DMD: variants seen among roughly 807,000 people sequenced by gnomAD.
DMD encodes the protein mutant dystrophin.
DMD carries 63 observed loss-of-function variants against 330.1 expected under a neutral mutation model. That is an observed-to-expected ratio of 0.19 (90% CI 0.16 to 0.24). The LOEUF (loss-of-function observed/expected upper bound fraction) is 0.24. Ranked by LOEUF, DMD falls within the 10% of genes least tolerant of loss-of-function variation. The pLI is 1.00. For missense variants in DMD, 3,344 were observed against 2,684.1 expected (o/e 1.25, Z -5.43); for synonymous variants, 1,223 against 959.8 (o/e 1.27, Z -5.07).
At chrX:31,710,036 C>G (rs889707295) in intron 52 of DMD, among the ~76,000 whole-genome samples, 2 of 111,739 alleles carry the variant, frequency 1.8e-5, no homozygotes, top group African/African-American at 6.5e-5. Flanking sequence ...GCCTGGGGAG[C>G]TTGTTATAAA....
chrX:33,006,200 C>G (rs1373023973), intron 2 of DMD, among the ~76,000 whole-genome samples: 3 of 111,333 alleles, frequency 2.7e-5, no homozygotes, highest in Non-Finnish European at 5.7e-5. Context: ...AACGCAATCC[C>G]AATCAAAATC....
intron 52 of DMD, among the ~76,000 whole-genome samples, chrX:31,705,828 G>C (rs1300543300): frequency 2.7e-5 from 3 of 112,063 alleles, no homozygotes; most frequent in Non-Finnish European, 5.6e-5. Flanking sequence ...GGCCAGAGCT[G>C]TCAGTTTGAG....
intron 11 of DMD, among the ~76,000 whole-genome samples, chrX:32,633,197 C>G (rs920319526): frequency 1.8e-5 from 2 of 111,671 alleles, no homozygotes; most frequent in African/African-American, 6.5e-5. Flanking sequence ...TTAGAAGTGG[C>G]CACACAACGT....
At chrX:31,124,157 C>A (rs1258401879) in intron 78 of DMD, among the ~76,000 whole-genome samples, 8 of 112,233 alleles carry the variant, frequency 7.1e-5, no homozygotes, top group Non-Finnish European at 1.3e-4. Flanking sequence ...CCGGTTTACA[C>A]TGCTGCATTT....
intron 1 of DMD, among the ~76,000 whole-genome samples, chrX:33,031,729 C>T (rs1168842524): frequency 1.8e-5 from 2 of 110,882 alleles, no homozygotes; most frequent in African/African-American, 6.6e-5. Context: ...CAAGATCATG[C>T]CACTGCACTC....
intron 7 of DMD, among the ~76,000 whole-genome samples, chrX:32,714,626 G>C (rs1263201772): frequency 9.0e-6 from 1 of 111,500 alleles, no homozygotes; most frequent in Admixed American, 9.6e-5. Context: ...ATGCGAGTGT[G>C]ACTGAAGTTA....
At chrX:31,380,697 C>T (rs1258141100) in intron 60 of DMD, among the ~76,000 whole-genome samples, 3 of 110,625 alleles carry the variant, frequency 2.7e-5, no homozygotes, top group Non-Finnish European at 5.7e-5. Context: ...AACCCATATA[C>T]TCTCCTGTCC....
intron 60 of DMD, among the ~76,000 whole-genome samples, chrX:31,413,340 T>C (rs923448168): frequency 2.7e-5 from 3 of 112,576 alleles, no homozygotes; most frequent in African/African-American, 9.7e-5. Flanking sequence ...TACAAAAGAC[T>C]TTAAAAATCT....
chrX:32,722,100 AC>A (rs1161708505), intron 7 of DMD, among the ~76,000 whole-genome samples: 9 of 108,972 alleles, frequency 8.3e-5, no homozygotes, highest in Non-Finnish European at 1.2e-4. Flanking sequence ...AGTATTTCCA[AC>A]TTTTTTTTCC....
chrX:32,604,815 A>C (rs1004945392), intron 12 of DMD, among the ~76,000 whole-genome samples: 2 of 109,323 alleles, frequency 1.8e-5, no homozygotes, highest in Non-Finnish European at 3.8e-5. Flanking sequence ...AACTACAAAA[A>C]AAAAAAATAC....
rs1406798070 is a variant in DMD, at chrX:32,885,678, A to T, written c.94-35858T>A. 5.4e-5 allele frequency among the ~76,000 whole-genome samples: 6 copies of T among 111,079 alleles called. No homozygotes were observed. The East Asian group carries it at 1.7e-3, about 31-fold the overall frequency. Reference sequence around the variant, plus strand: ...AAATAAAGAAACTTACAATGTGTTGAAATTTCCCTATTGGAGAATTATAAA... The same window carrying T: ...AAATAAAGAAACTTACAATGTGTTGTAATTTCCCTATTGGAGAATTATAAA... On this transcript the variant is annotated intron_variant, in intron 2 of 78. Transcript: ENST00000357033.
intron 7 of DMD, among the ~76,000 whole-genome samples, chrX:32,704,731 C>A (rs1263509036): frequency 1.8e-5 from 2 of 111,793 alleles, no homozygotes; most frequent in Non-Finnish European, 3.8e-5. Context: ...AATAAATTCA[C>A]TGAGAAGAAA....
At chrX:33,108,538 T>A (rs2095311215) in intron 1 of DMD, among the ~76,000 whole-genome samples, 1 of 107,486 alleles carries the variant, frequency 9.3e-6, no homozygotes, top group Non-Finnish European at 1.9e-5. Context: ...AGTGCTGGGA[T>A]TACAGGCATG....
At chrX:32,607,727 A>G (rs2056847317) in intron 12 of DMD, among the ~76,000 whole-genome samples, 1 of 110,632 alleles carries the variant, frequency 9.0e-6, no homozygotes, top group Admixed American at 9.7e-5. Flanking sequence ...AATTCATGTT[A>G]TCATGTGTGT....
chrX:32,315,370 T>TG (rs1316184907), intron 41 of DMD, among the ~76,000 whole-genome samples: 4 of 108,476 alleles, frequency 3.7e-5, no homozygotes, highest in Admixed American at 9.8e-5. Flanking sequence ...TGTTGGCGGG[T>TG]GGGGGGCAAG....
At chrX:31,488,481 T>C (rs2068993534) in intron 57 of DMD, among the ~76,000 whole-genome samples, 1 of 111,932 alleles carries the variant, frequency 8.9e-6, no homozygotes, top group African/African-American at 3.3e-5. Flanking sequence ...AATCCAAAAA[T>C]GGAACCCTGG....
intron 59 of DMD, among the ~76,000 whole-genome samples, chrX:31,459,156 T>C (rs185826226): frequency 9.0e-6 from 1 of 111,272 alleles, no homozygotes; most frequent in Non-Finnish European, 1.9e-5. Flanking sequence ...AAGCAGAAGG[T>C]GAAGCAGGTA....
intron 18 of DMD, among the ~76,000 whole-genome samples, chrX:32,503,970 T>A (rs1422738679): frequency 8.9e-6 from 1 of 111,987 alleles, no homozygotes; most frequent in African/African-American, 3.3e-5. Flanking sequence ...AGAGTAATAT[T>A]GGCAAAAGAA....
At chrX:32,441,057 G>A (rs1455109606) in intron 28 of DMD, 123 bp downstream of exon 28, 4 of 765,597 alleles carry the variant, frequency 5.2e-6, no homozygotes, top group African/African-American at 4.2e-5. Context: ...TACCAGTGCT[G>A]AGTGATAACA....
Sources: gnomAD v4.1 joint callset for allele counts (sites outside exome capture counted in the v4.1 genomes callset) on GRCh38, gnomAD v4.1.1 for gene constraint, MANE v1.5 for transcripts, NCBI Gene and HGNC (gene_info 2026-07-23, HGNC 2026-07-21) for gene names.